WWOX: variants seen among roughly 807,000 people sequenced by gnomAD.
WWOX encodes the protein WW domain containing oxidoreductase, also known as WW domain-containing oxidoreductase.
WWOX carries 69 observed loss-of-function variants against 46.2 expected under a neutral mutation model. The observed-to-expected ratio is 1.49, with a 90% CI of 1.23 to 1.82. The LOEUF is 1.82. Among genes scored for constraint, WWOX ranks in the 40% most tolerant of loss-of-function variants. WWOX has a pLI of 0.00. For synonymous variants in WWOX, 359 were observed against 202.6 expected, an observed-to-expected ratio of 1.77 and a Z score of -6.56; for missense variants, 919 against 542.6, an observed-to-expected ratio of 1.69 and a Z score of -6.89.
intron 8 of WWOX, among the ~76,000 whole-genome samples, chr16:79,133,208 AT>A (rs758390557): frequency 1.8e-4 from 28 of 152,190 alleles, no homozygotes; most frequent in Non-Finnish European, 2.8e-4. Context: ...CATACATTTT[AT>A]TGATCTAATG....
At chr16:78,315,226 C>T (rs777732813) in intron 5 of WWOX, among the ~76,000 whole-genome samples, 50 of 152,300 alleles carry the variant, frequency 3.3e-4, no homozygotes, top group Non-Finnish European at 6.3e-4. Flanking sequence ...TGAAATTGTT[C>T]TATATCTAAA....
At chr16:78,654,588 A>G (rs1026685761) in intron 8 of WWOX, among the ~76,000 whole-genome samples, 1 of 152,120 alleles carries the variant, frequency 6.6e-6, no homozygotes, top group African/African-American at 2.4e-5. Flanking sequence ...TGATATAAAT[A>G]GTTTTTTAGG....
At chr16:78,767,573 G>T (rs754522323) in intron 8 of WWOX, among the ~76,000 whole-genome samples, 7 of 151,874 alleles carry the variant, frequency 4.6e-5, no homozygotes, top group Non-Finnish European at 1.0e-4. Flanking sequence ...CGATTCTTCT[G>T]CATGTATACC....
rs189050982 is a variant in WWOX, at chr16:78,339,312, A to T, written c.517-47548A>T. Among the ~76,000 whole-genome samples, 4 of 114,240 alleles carry T rather than the reference A, an allele frequency of 3.5e-5. 1 individual carries two copies. The highest frequency in any genetic ancestry group is 4.1e-5 in the Non-Finnish European group (2 of 48,566). 74.9% of individuals were successfully genotyped at this position (114,240 alleles called of 152,430 possible). On this transcript the variant is annotated intron_variant, in intron 5 of 8. Transcript: ENST00000566780. ...AATTTGCTGAGTTTGTGATGTACCT[A>T]TCATTCAACCTCAAACTTTCATGTG...
chr16:78,775,658 A>G (rs941225235), intron 8 of WWOX, among the ~76,000 whole-genome samples: 1 of 152,118 alleles, frequency 6.6e-6, no homozygotes, highest in East Asian at 1.9e-4. Context: ...TATAGATGGG[A>G]CAGGAGCCTT....
At chr16:78,657,436 G>C (rs1212645010) in intron 8 of WWOX, among the ~76,000 whole-genome samples, 2 of 152,104 alleles carry the variant, frequency 1.3e-5, no homozygotes, top group African/African-American at 4.8e-5. Flanking sequence ...AACAATATTG[G>C]ACAAGCTTGT....
chr16:78,427,039 A>G (rs924142141), intron 7 of WWOX, among the ~76,000 whole-genome samples: 2 of 152,160 alleles, frequency 1.3e-5, no homozygotes, highest in African/African-American at 4.8e-5. Flanking sequence ...TTCGCATTGC[A>G]TCCCTTGGCT....
At chr16:78,182,830 A>G (rs2035573226) in intron 5 of WWOX, among the ~76,000 whole-genome samples, 1 of 151,550 alleles carries the variant, frequency 6.6e-6, no homozygotes, top group Non-Finnish European at 1.5e-5. Context: ...GGGTACCTGT[A>G]GTGCCAGCTG....
At chr16:78,737,113 T>C (rs1209255119) in intron 8 of WWOX, among the ~76,000 whole-genome samples, 1 of 151,962 alleles carries the variant, frequency 6.6e-6, no homozygotes, top group African/African-American at 2.4e-5. Context: ...TTTATTCATT[T>C]ATTTGAGATG....
At chr16:78,636,929 C>A (rs1037189477) in intron 8 of WWOX, among the ~76,000 whole-genome samples, 35 of 152,268 alleles carry the variant, frequency 2.3e-4, no homozygotes, top group African/African-American at 7.9e-4. Flanking sequence ...AACTCCTTAT[C>A]TGGTCATAGA....
At chr16:78,395,533 GAGAAGGGCAGAAAGAA>G (rs1481289284) in intron 6 of WWOX, among the ~76,000 whole-genome samples, 2 of 151,994 alleles carry the variant, frequency 1.3e-5, no homozygotes, top group Non-Finnish European at 2.9e-5. Flanking sequence ...GAAAAAGAGA[GAGAAGGGCAGAAAGAA>G]AGAAGGGAAG....
At chr16:78,417,423 G>C (rs1006450162) in intron 6 of WWOX, among the ~76,000 whole-genome samples, 1 of 151,958 alleles carries the variant, frequency 6.6e-6, no homozygotes, top group African/African-American at 2.4e-5. Context: ...CTTCATTTCT[G>C]TCTGTAAATG....
intron 4 of WWOX, among the ~76,000 whole-genome samples, chr16:78,143,022 T>C (rs2034040386): frequency 6.6e-6 from 1 of 152,172 alleles, no homozygotes; most frequent in African/African-American, 2.4e-5. Flanking sequence ...CATTTGTCAG[T>C]TTTACACACA....
intron 5 of WWOX, among the ~76,000 whole-genome samples, chr16:78,326,685 G>A (rs998127832): frequency 1.7e-4 from 25 of 149,520 alleles, no homozygotes; most frequent in African/African-American, 5.7e-4. Context: ...TATAATTTTT[G>A]TTTTTATCAT....
intron 8 of WWOX, among the ~76,000 whole-genome samples, chr16:78,768,844 C>G (rs1029863018): frequency 5.3e-5 from 8 of 152,066 alleles, no homozygotes; most frequent in Admixed American, 2.6e-4. Context: ...GAAGGGCTTT[C>G]CAGTCAAAGA....
At chr16:78,363,448 A>T (rs1267195672) in intron 5 of WWOX, among the ~76,000 whole-genome samples, 4 of 5,590 alleles carry the variant, frequency 7.2e-4, no homozygotes, top group African/African-American at 2.0e-3. Flanking sequence ...TGATTATTTA[A>T]AAAAAAATTT....
At chr16:78,328,750 A>T (rs908932217) in intron 5 of WWOX, among the ~76,000 whole-genome samples, 1 of 152,130 alleles carries the variant, frequency 6.6e-6, no homozygotes, top group African/African-American at 2.4e-5. Context: ...AGCCAAGCAA[A>T]ATCATTTCCA....
chr16:78,653,731 C>G (rs761863282), intron 8 of WWOX, among the ~76,000 whole-genome samples: 4 of 152,196 alleles, frequency 2.6e-5, no homozygotes, highest in Admixed American at 2.0e-4. Flanking sequence ...TCCTATGGGC[C>G]TCCTAACCCG....
At chr16:78,171,201 C>T (rs2035147782) in intron 5 of WWOX, among the ~76,000 whole-genome samples, 1 of 152,078 alleles carries the variant, frequency 6.6e-6, no homozygotes, top group East Asian at 1.9e-4. Flanking sequence ...TTGTTGTTTT[C>T]CCTGCCGGGA....
Sources: gnomAD v4.1 joint callset for allele counts (sites outside exome capture counted in the v4.1 genomes callset) on GRCh38, gnomAD v4.1.1 for gene constraint, MANE v1.5 for transcripts, NCBI Gene and HGNC (gene_info 2026-07-23, HGNC 2026-07-21) for gene names.